The following MEPE variants were observed in gnomAD, a reference collection of about 807,000 sequenced individuals.
MEPE encodes the protein matrix, extracellular phosphoglycoprotein with ASARM motif (bone).
A neutral mutation model predicts 7.3 loss-of-function variants in MEPE; 7 were observed. That is an observed-to-expected ratio of 0.95 (90% CI 0.54 to 1.79). The LOEUF (loss-of-function observed/expected upper bound fraction) is 1.79. MEPE is among the 40% of genes most tolerant of loss of function. MEPE has a pLI of 0.00. For synonymous variants in MEPE, 214 were observed against 213.1 expected (o/e 1.00, Z -0.04); for missense variants, 623 against 628.2 (o/e 0.99, Z 0.09).
At position 87,844,672 on chromosome 4, in the gene MEPE, T is replaced by C. The variant is rs1353985865; in HGVS notation, c.109-305T>C. Among the ~76,000 whole-genome samples, 3 of 152,238 alleles carry C rather than the reference T, an allele frequency of 2.0e-5. No homozygotes were observed. In the East Asian group the frequency reaches 5.8e-4, roughly 29 times the overall value. On this transcript the variant is annotated intron_variant, in intron 3 of 3. Transcript: ENST00000361056. ...TCACTATTCCCACTATGTAGGTTTA[T>C]TCATATTATGTCTCAATTGTGTCCT...
At chr4:87,836,540 T>G (rs1042711757) in intron 2 of MEPE, among the ~76,000 whole-genome samples, 5 of 152,144 alleles carry the variant, frequency 3.3e-5, no homozygotes, top group Admixed American at 1.3e-4. Context: ...TTTCCAGAAC[T>G]GTTTGCCCTG....
At chr4:87,832,362 T>C (rs1722621741), upstream of MEPE, among the ~76,000 whole-genome samples, 1 of 152,110 alleles carries the variant, frequency 6.6e-6, no homozygotes, top group African/African-American at 2.4e-5. Context: ...TATCTAAAAT[T>C]TCAACCCAGT....
chr4:87,843,906 G>T (rs1046635161), intron 3 of MEPE, among the ~76,000 whole-genome samples: 1 of 152,100 alleles, frequency 6.6e-6, no homozygotes, highest in African/African-American at 2.4e-5. Context: ...GACATGCATG[G>T]GATAATGTTG....
At chr4:87,837,356 C>A (rs192827683) in intron 2 of MEPE, among the ~76,000 whole-genome samples, 4 of 144,892 alleles carry the variant, frequency 2.8e-5, no homozygotes, top group Non-Finnish European at 5.9e-5. Context: ...CCTTCCCCCC[C>A]TCCAGACTCA....
intron 3 of MEPE, among the ~76,000 whole-genome samples, chr4:87,843,592 G>T (rs970739578): frequency 1.3e-5 from 2 of 152,110 alleles, no homozygotes; most frequent in Admixed American, 6.5e-5. Flanking sequence ...CAATTTGGGG[G>T]TGAAAAGAAA....
At chr4:87,838,725 T>A in intron 3 of MEPE, 40 bp downstream of exon 3, 1 of 1,574,652 alleles carries the variant, frequency 6.4e-7, no homozygotes, top group Non-Finnish European at 8.7e-7. Context: ...CTATTTCAGC[T>A]CTATAAAGAA....
At chr4:87,829,264 A>G (rs962298395), upstream of MEPE, among the ~76,000 whole-genome samples, 6 of 152,158 alleles carry the variant, frequency 3.9e-5, no homozygotes, top group Non-Finnish European at 8.8e-5. Flanking sequence ...ACTCAAGTTG[A>G]ATTTTTTTAT....
At chr4:87,827,570 A>T (rs571718827) in intron 1 of MEPE, among the ~76,000 whole-genome samples, 2 of 152,280 alleles carry the variant, frequency 1.3e-5, no homozygotes, top group East Asian at 3.9e-4. Context: ...AAAGACTATT[A>T]TGAGGGTAAG....
chr4:87,845,773 G>T lies in MEPE; in HGVS notation c.905G>T (p.Gly302Val). ...ACTCATCTTGACACAAAAAAGCCAG[G>T]TTATAATGAGATCCCAGAGAGAGAA... ...ESTHLDTKKP[G>V]YNEIPEREEN... is the part of the protein sequence containing the mutation. The change falls in exon 4 of 4, where the codon GGT (glycine) becomes GTT (valine). Residue 302 changes from glycine (G) to valine (V), a missense_variant. Gly to Val is a moderately radical substitution (Grantham distance 109). Transcript: ENST00000361056. 1 of 1,613,986 alleles carries T rather than the reference G, an allele frequency of 6.2e-7. No homozygotes were observed. The highest frequency in any genetic ancestry group is 2.2e-5 in the East Asian group (1 of 44,868).
chr4:87,832,958 CAG>C (rs1722635954), upstream of MEPE: 1 of 152,276 alleles, frequency 6.6e-6, no homozygotes, highest in Admixed American at 6.5e-5. Flanking sequence ...GCAAAATGCC[CAG>C]AGACTTCTAA....
In MEPE at chr4:87,846,326, A is replaced by C; in HGVS notation, c.1458A>C (p.Pro486=). The C allele has an allele frequency of 1.2e-6, 2 of 1,614,162 alleles. No homozygotes were observed. The highest frequency in any genetic ancestry group is 1.7e-6 in the Non-Finnish European group (2 of 1,179,986). Residue 486 remains proline (P), a synonymous_variant, in exon 4 of 4, where the codon CCA becomes CCC. Coordinates refer to ENST00000361056, the MANE Select transcript of MEPE (RefSeq NM_020203.6). ...QNNSTRNKGM[P]QGKGSWGRQP... is the part of the protein sequence containing the mutation. ...ATTCTACACGGAATAAGGGTATGCC[A>C]CAAGGGAAAGGCTCCTGGGGTAGAC...
At chr4:87,833,912 G>A (rs750308148) in intron 1 of MEPE, among the ~76,000 whole-genome samples, 1 of 152,150 alleles carries the variant, frequency 6.6e-6, no homozygotes, top group African/African-American at 2.4e-5. Flanking sequence ...GTGGCAGAGA[G>A]TCTTGATGAA....
intron 3 of MEPE, 78 bp downstream of exon 3, chr4:87,838,763 T>A: frequency 7.6e-7 from 1 of 1,310,702 alleles, no homozygotes; most frequent in Non-Finnish European, 1.1e-6. Flanking sequence ...AGTGTAACTG[T>A]CAAAATAGTC....
chr4:87,826,965 T>C (rs951246982), intron 1 of MEPE, among the ~76,000 whole-genome samples: 1 of 152,240 alleles, frequency 6.6e-6, no homozygotes, highest in Non-Finnish European at 1.5e-5. Context: ...TTCACTCGGA[T>C]GATAGATTCT....
At chr4:87,825,202 T>C (rs1722430274) in intron 1 of MEPE, among the ~76,000 whole-genome samples, 1 of 152,206 alleles carries the variant, frequency 6.6e-6, no homozygotes, top group Admixed American at 6.5e-5. Flanking sequence ...ATACTGTCTT[T>C]CAAAATTCTG....
At chr4:87,828,439 G>A (rs79407373), upstream of MEPE, among the ~76,000 whole-genome samples, 1,810 of 152,046 alleles carry the variant, frequency 0.012, 41 homozygotes, top group African/African-American at 0.042. Context: ...CCTTAATAGA[G>A]TCAAGAATAA....
rs1723270246 is a variant in MEPE, at chr4:87,846,428, T to G, written c.1560T>G (p.Ser520Arg). ...SSESSDSGSS[S>R]ESDGD ...AGTCATCTGACAGTGGCAGTTCAAG[T>G]GAGAGCGATGGTGACTAGTCCACCA... is the stretch of plus-strand genomic sequence containing the variant. Residue 520 changes from serine (S) to arginine (R), a missense_variant, in exon 4 of 4, where the codon AGT becomes AGG. By Grantham distance (110) the Ser-to-Arg change is moderately radical. Coordinates refer to ENST00000361056, the MANE Select transcript of MEPE (RefSeq NM_020203.6). 1 of 1,613,010 alleles carries G rather than the reference T, an allele frequency of 6.2e-7. No homozygotes were observed. The highest frequency in any genetic ancestry group is 1.1e-5 in the South Asian group (1 of 90,970).
upstream of MEPE, among the ~76,000 whole-genome samples, chr4:87,828,880 C>G (rs973119498): frequency 1.3e-5 from 2 of 152,128 alleles, no homozygotes; most frequent in Non-Finnish European, 2.9e-5. Flanking sequence ...GTGTCCATTT[C>G]TTTCCCTTCT....
intron 2 of MEPE, among the ~76,000 whole-genome samples, chr4:87,836,303 C>T (rs12640296): frequency 0.14 from 21,548 of 151,938 alleles, 1,625 homozygotes; most frequent in East Asian, 0.25. Context: ...CTATGCAATT[C>T]GGTTAATATT....
Sources: gnomAD v4.1 joint callset for allele counts (sites outside exome capture counted in the v4.1 genomes callset) on GRCh38, gnomAD v4.1.1 for gene constraint, MANE v1.5 for transcripts, NCBI Gene and HGNC (gene_info 2026-07-23, HGNC 2026-07-21) for gene names.